The following HEPHL1 variants were observed in gnomAD, a reference collection of about 807,000 sequenced individuals.
HEPHL1 encodes the protein hephaestin like 1.
HEPHL1 carries 123 observed loss-of-function variants against 122.0 expected under a neutral mutation model. The observed-to-expected ratio is 1.01, with a 90% CI of 0.87 to 1.17. The LOEUF (loss-of-function observed/expected upper bound fraction) is 1.17, where lower values mean the gene tolerates loss of function less well. Ranked by LOEUF, HEPHL1 falls within the 50% of genes most tolerant of loss-of-function variation. The pLI, the probability that HEPHL1 is intolerant of heterozygous loss-of-function variation, is 0.00. For synonymous variants in HEPHL1, 527 were observed against 508.9 expected (o/e 1.04, Z -0.48); for missense variants, 1,452 against 1,430.5 (o/e 1.01, Z -0.24).
intron 2 of HEPHL1, among the ~76,000 whole-genome samples, chr11:94,047,138 G>A (rs1440326358): frequency 6.6e-6 from 1 of 152,222 alleles, no homozygotes; most frequent in Admixed American, 6.5e-5. Context: ...AGTTGTTGAG[G>A]ATGAGCACAA....
chr11:94,042,883 A>AAAAAAAAAAAAAAAAAAAAAAAAACAAAC (rs1555058775), intron 1 of HEPHL1, among the ~76,000 whole-genome samples: 1 of 132,398 alleles, frequency 7.6e-6, no homozygotes, highest in Non-Finnish European at 1.6e-5. Context: ...AATAAAAAAA[A>AAAAAAAAAAAAAAAAAAAAAAAAACAAAC]AAAAAAAAAA....
chr11:94,022,491 C>T (rs1054199438), intron 1 of HEPHL1, among the ~76,000 whole-genome samples: 1 of 152,190 alleles, frequency 6.6e-6, no homozygotes, highest in African/African-American at 2.4e-5. Context: ...ACCAGCAAGT[C>T]TTTAAGAGCC....
chr11:94,056,657 T>TATCTATCTATC (rs3060401), intron 2 of HEPHL1, among the ~76,000 whole-genome samples: 5,979 of 111,860 alleles, frequency 0.053, 179 homozygotes, highest in Admixed American at 0.07. Flanking sequence ...CTATTATTGA[T>TATCTATCTATC]TATCTATCTA....
At chr11:94,061,804 A>G (rs1041782068) in intron 2 of HEPHL1, among the ~76,000 whole-genome samples, 7 of 152,214 alleles carry the variant, frequency 4.6e-5, no homozygotes, top group African/African-American at 1.7e-4. Flanking sequence ...CATTGAAGAC[A>G]TAATTCATTA....
chr11:94,082,094 T>TGGGCCAGGGCTGGC (rs1946174985), intron 9 of HEPHL1, among the ~76,000 whole-genome samples: 1 of 152,138 alleles, frequency 6.6e-6, no homozygotes, highest in Non-Finnish European at 1.5e-5. Context: ...AGAGAGAAGC[T>TGGGCCAGGGCTGGC]GGGCCAGGGC....
intron 1 of HEPHL1, among the ~76,000 whole-genome samples, chr11:94,029,151 A>C (rs1945651456): frequency 1.3e-5 from 2 of 152,164 alleles, no homozygotes; most frequent in African/African-American, 4.8e-5. Flanking sequence ...TCAAATAGTT[A>C]CTATAGTTTT....
rs752412261 is a variant in HEPHL1 at position 94,070,398 on chromosome 11, T to C, written c.1088T>C (p.Val363Ala). 1.3e-6 allele frequency: 2 copies of C among 1,599,768 alleles called. No individual in the cohort carries two copies. Among genetic ancestry groups the C allele is most frequent in the Non-Finnish European group, 1.7e-6 (2 of 1,172,368 alleles). The change falls in exon 6 of 20, where the codon GTT becomes GCT. Residue 363 changes from valine to alanine, a missense_variant. Val to Ala is a moderately conservative substitution (Grantham distance 64). Transcript: ENST00000315765. ...GCTGGTATGCTGGGGCAATACAATG[T>C]TGATAACTGCAAAAGTGATATTTTC... ...LQAGMLGQYN[V>A]DNCKSDIFYP...
intron 1 of HEPHL1, among the ~76,000 whole-genome samples, chr11:94,027,509 G>A (rs965565377): frequency 2.0e-5 from 3 of 152,126 alleles, no homozygotes; most frequent in African/African-American, 7.2e-5. Flanking sequence ...AAAGCTTTAC[G>A]CTTTACCAGA....
chr11:94,064,776 T>G (rs1201915300), intron 4 of HEPHL1, among the ~76,000 whole-genome samples: 2 of 152,168 alleles, frequency 1.3e-5, no homozygotes, highest in Admixed American at 1.3e-4. Flanking sequence ...ATCGATGTTA[T>G]ATTGTAATTG....
intron 4 of HEPHL1, among the ~76,000 whole-genome samples, chr11:94,067,050 T>C (rs1946040835): frequency 2.0e-5 from 3 of 152,248 alleles, no homozygotes; most frequent in South Asian, 2.1e-4. Context: ...GTAGATACTA[T>C]GTGCCAGTTT....
At chr11:94,073,266 C>G in intron 7 of HEPHL1, 42 bp from the exon 8 acceptor site, 4 of 1,607,542 alleles carry the variant, frequency 2.5e-6, no homozygotes, top group Non-Finnish European at 3.4e-6. Context: ...CTTTCTGTCT[C>G]TTTTCATTCT....
At chr11:94,068,725 A>T (rs2511407) in intron 5 of HEPHL1, among the ~76,000 whole-genome samples, 8 of 152,036 alleles carry the variant, frequency 5.3e-5, no homozygotes, top group African/African-American at 1.7e-4. Flanking sequence ...AGGAATTCTG[A>T]CCACTGGATG....
intron 8 of HEPHL1, 132 bp downstream of exon 8, chr11:94,073,571 T>G: frequency 1.2e-6 from 1 of 816,806 alleles, no homozygotes; most frequent in Non-Finnish European, 1.9e-6. Flanking sequence ...TTAAACTTTC[T>G]GAACCTGATT....
intron 4 of HEPHL1, among the ~76,000 whole-genome samples, chr11:94,066,192 T>C (rs2134428972): frequency 6.6e-6 from 1 of 152,160 alleles, no homozygotes; most frequent in East Asian, 1.9e-4. Context: ...AGACCCTGTC[T>C]CAAAAAACAA....
chr11:94,102,317 G>T (rs1002369517), intron 14 of HEPHL1, among the ~76,000 whole-genome samples: 2 of 152,190 alleles, frequency 1.3e-5, no homozygotes, highest in Admixed American at 6.5e-5. Context: ...GATACTAAAG[G>T]TTAGTGACAT....
At chr11:94,088,607 G>T in intron 11 of HEPHL1, 148 bp from the exon 12 acceptor site, 1 of 622,016 alleles carries the variant, frequency 1.6e-6, no homozygotes, top group South Asian at 2.0e-5. Context: ...ACCCCCTGGG[G>T]TCTGATTTTA....
chr11:94,097,279 G>T (rs1946324690), intron 13 of HEPHL1, among the ~76,000 whole-genome samples: 1 of 152,178 alleles, frequency 6.6e-6, no homozygotes, highest in Non-Finnish European at 1.5e-5. Context: ...TATGTACCCA[G>T]TAGTCATTCA....
chr11:94,109,156 T>C (rs1437968106), intron 17 of HEPHL1, among the ~76,000 whole-genome samples: 3 of 152,164 alleles, frequency 2.0e-5, no homozygotes, highest in African/African-American at 4.8e-5. Context: ...TTTTGATTTA[T>C]AGTTGTTTAT....
chr11:94,029,118 C>T (rs1352555768), intron 1 of HEPHL1, among the ~76,000 whole-genome samples: 1 of 152,210 alleles, frequency 6.6e-6, no homozygotes, highest in Non-Finnish European at 1.5e-5. Flanking sequence ...TGAGCCACCA[C>T]ACCCAGCCTC....
Sources: gnomAD v4.1 joint callset for allele counts (sites outside exome capture counted in the v4.1 genomes callset) on GRCh38, gnomAD v4.1.1 for gene constraint, MANE v1.5 for transcripts, NCBI Gene and HGNC (gene_info 2026-07-23, HGNC 2026-07-21) for gene names.